The following SPEG variants were observed in gnomAD, a reference collection of about 807,000 sequenced individuals.
The protein encoded by SPEG is striated muscle enriched protein kinase, also known as striated muscle preferentially expressed protein kinase.
SPEG carries 114 observed loss-of-function variants against 300.4 expected under a neutral mutation model. The observed-to-expected ratio is 0.38, with a 90% CI of 0.33 to 0.44. The LOEUF (loss-of-function observed/expected upper bound fraction) is 0.44, where lower values mean the gene tolerates loss of function less well. Among genes scored for constraint, SPEG ranks in the 20% least tolerant of loss-of-function variants. SPEG has a pLI of 1.00. For synonymous variants in SPEG, 1,964 were observed against 2,018.9 expected (o/e 0.97, Z 0.73); for missense variants, 4,201 against 4,586.2 (o/e 0.92, Z 2.43).
At position 219,481,297 on chromosome 2, in the gene SPEG, C is replaced by T. The variant is rs2125539319; in HGVS notation, c.5370-7C>T. On this transcript the variant is annotated splice_region_variant and splice_polypyrimidine_tract_variant and intron_variant, in intron 26 of 40. Coordinates refer to ENST00000312358, the MANE Select transcript of SPEG (RefSeq NM_005876.5). The surrounding 1 kb of genome is among the most constrained non-coding windows in gnomAD (Gnocchi z 5.4). ...GCCCCTCATGACAGCCCTCTTCACC[C>T]CTGCAGTCTGACAGGAATCTCCCCG... The T allele has an allele frequency of 1.2e-6, 2 of 1,613,704 alleles. No individual in the cohort carries two copies. Among genetic ancestry groups the T allele is most frequent in the East Asian group, 4.5e-5 (2 of 44,890 alleles).
At position 219,483,141 on chromosome 2, in the gene SPEG, T is replaced by C; in HGVS notation, c.5678T>C (p.Ile1893Thr). The stretch of plus-strand genomic sequence containing the variant: ...AAATGCCACCTGGTGCTGCGCCCCA[T>C]CCCCGAGCTGCTGCGGGCCCCCCCA... Reference protein sequence around the residue: ...SYKCHLVLRPIPELLRAPPER... With the variant: ...SYKCHLVLRPTPELLRAPPER... The change falls in exon 30 of 41, where the codon ATC (isoleucine) becomes ACC (threonine). Residue 1893 changes from isoleucine to threonine, a missense_variant. This residue lies in a region of SPEG where 1,578 missense variants were observed against 1,506.0 expected (regional missense o/e 1.05). Transcript: ENST00000312358. 6.2e-7 allele frequency: 1 copy of C among 1,608,842 alleles called. No individual in the cohort carries two copies. Among genetic ancestry groups the C allele is most frequent in the Non-Finnish European group, 8.5e-7 (1 of 1,179,472 alleles).
chr2:219,461,341 AG>A, intron 6 of SPEG: 6 of 987,408 alleles, frequency 6.1e-6, no homozygotes, highest in Non-Finnish European at 7.2e-6. Flanking sequence ...GAGAAGGGAA[AG>A]GGGGAGGGGC....
At chr2:219,460,439 T>C in intron 6 of SPEG, 1 of 985,428 alleles carries the variant, frequency 1.0e-6, no homozygotes. Flanking sequence ...CCTTCTTTGG[T>C]GGACGTGTCA....
Position 219,489,634 on chromosome 2 carries a change from C to G in SPEG, c.8616C>G (p.Pro2872=). ...LPSTHVTPSE[P]KPFVLDTGTP... is the part of the protein sequence containing the mutation. ...GTACCCACGTCACCCCAAGTGAGCC[C>G]AAGCCTTTCGTCCTTGACACTGGGA... The change falls in exon 36 of 41, where the codon CCC becomes CCG. Residue 2872 remains proline (P), a synonymous_variant. Coordinates refer to ENST00000312358, the MANE Select transcript of SPEG (RefSeq NM_005876.5). 1.9e-6 allele frequency: 3 copies of G among 1,613,968 alleles called. No homozygotes were observed. The highest frequency in any genetic ancestry group is 2.5e-6 in the Non-Finnish European group (3 of 1,179,992).
At position 219,483,228 on chromosome 2, in the gene SPEG, C is replaced by G. The variant is rs1317448541; in HGVS notation, c.5765C>G (p.Ser1922Trp). 1 of 1,610,390 alleles carries G rather than the reference C, an allele frequency of 6.2e-7. No homozygotes were observed. Among genetic ancestry groups the G allele is most frequent in the Non-Finnish European group, 8.5e-7 (1 of 1,179,100 alleles). ...PPPSGGLSSSSDSEEEELEEL... is the reference protein window; with the variant it reads ...PPPSGGLSSSWDSEEEELEEL... ...CCCAGTGGGGGGCTCTCATCCTCCT[C>G]GGATTCTGAAGAGGAAGAGCTGGAA... is the stretch of plus-strand genomic sequence containing the variant. The change falls in exon 30 of 41, where the codon TCG (serine) becomes TGG (tryptophan). Residue 1922 changes from serine (S) to tryptophan (W), a missense_variant. Physicochemically the swap from Ser to Trp is radical, Grantham distance 177. Coordinates refer to ENST00000312358, the MANE Select transcript of SPEG (RefSeq NM_005876.5).
At chr2:219,491,453 T>C (rs1693964428) in intron 38 of SPEG, among the ~76,000 whole-genome samples, 1 of 152,160 alleles carries the variant, frequency 6.6e-6, no homozygotes, top group Non-Finnish European at 1.5e-5. Flanking sequence ...CAGGCTGATT[T>C]TGAAGGCTTT....
In SPEG at chr2:219,484,548, C is replaced by G. The variant is rs767195712; in HGVS notation, c.7085C>G (p.Pro2362Arg). Reference protein sequence around the residue: ...LSRSRSEERGPFRGAEEEDGI... With the variant: ...LSRSRSEERGRFRGAEEEDGI... ...CGTTCGCGCTCGGAGGAGCGCGGCC[C>G]CTTCCGTGGGGCCGAGGAGGAGGAT... The change falls in exon 30 of 41, where the codon CCC (proline) becomes CGC (arginine). Residue 2362 changes from proline to arginine, a missense_variant. Physicochemically the swap from Pro to Arg is moderately radical, Grantham distance 103. Transcript: ENST00000312358. 6.3e-7 allele frequency: 1 copy of G among 1,592,444 alleles called. No individual in the cohort carries two copies. Among genetic ancestry groups the G allele is most frequent in the East Asian group, 2.3e-5 (1 of 44,258 alleles).
In SPEG at chr2:219,483,444, C is replaced by T; in HGVS notation, c.5981C>T (p.Ser1994Phe). 11 of 1,537,738 alleles carry T rather than the reference C, an allele frequency of 7.2e-6. No individual in the cohort carries two copies. Among genetic ancestry groups the T allele is most frequent in the Non-Finnish European group, 9.6e-6 (11 of 1,150,640 alleles). The change falls in exon 30 of 41, where the codon TCC (serine) becomes TTC (phenylalanine). Residue 1994 changes from serine (S) to phenylalanine (F), a missense_variant. By Grantham distance (155) the Ser-to-Phe change is radical. Around this residue, in one of 4 missense-constraint regions of SPEG, gnomAD observed 1,578 missense variants for 1,506.0 expected, o/e 1.05. Transcript: ENST00000312358. Reference protein sequence around the residue: ...QEAPSPEALPSPGQEPAAGAS... With the variant: ...QEAPSPEALPFPGQEPAAGAS... ...GCTCCCAGCCCAGAGGCCCTCCCCT[C>T]CCCAGGCCAGGAGCCCGCAGCTGGG...
Position 219,484,924 on chromosome 2 carries a change from G to A in SPEG, c.7461G>A (p.Leu2487=). Residue 2487 remains leucine, a synonymous_variant, in exon 30 of 41, where the codon CTG becomes CTA. Transcript: ENST00000312358. ...GCGCGTCGGGCCGCAGCACGCCGCT[G>A]TTCGGACGGCTTCGCAGGGCCACGT... ...SGGASGRSTP[L]FGRLRRATSE... 6.5e-7 allele frequency: 1 copy of A among 1,528,856 alleles called. No individual in the cohort carries two copies. The highest frequency in any genetic ancestry group is 8.7e-7 in the Non-Finnish European group (1 of 1,144,504). 94.7% of individuals were successfully genotyped at this position (1,528,856 alleles called of 1,614,324 possible).
chr2:219,492,058 C>G (rs1694023950), intron 39 of SPEG, 53 bp from the exon 40 acceptor site: 1 of 1,567,600 alleles, frequency 6.4e-7, no homozygotes, highest in Non-Finnish European at 8.7e-7. Context: ...CCTTCTGGGT[C>G]TGGGTGTTGG....
rs754240904 is a variant in SPEG, at chr2:219,479,800, G to C, written c.5103G>C (p.Arg1701=). 1.7e-5 allele frequency: 27 copies of C among 1,613,900 alleles called. No individual in the cohort carries two copies. The South Asian group carries it at 3.0e-4, about 18-fold the overall frequency. Residue 1701 remains arginine, a synonymous_variant, in exon 24 of 41, where the codon CGG becomes CGC. Coordinates refer to ENST00000312358, the MANE Select transcript of SPEG (RefSeq NM_005876.5). The surrounding 1 kb of genome is among the most constrained non-coding windows in gnomAD (Gnocchi z 5.5). ...TTCCACAGATCCGGGCCTATATGCG[G>C]CAGGTGCTAGAGGGAATACACTACC... ...VCESEIRAYM[R]QVLEGIHYLH...
At position 219,444,877 on chromosome 2, in the gene SPEG, G is replaced by T; in HGVS notation, c.531G>T (p.Val177=). Residue 177 remains valine (V), a synonymous_variant, in exon 3 of 41, where the codon GTG becomes GTT. Coordinates refer to ENST00000312358, the MANE Select transcript of SPEG (RefSeq NM_005876.5). This position sits in a 1 kb window ranked among gnomAD's most constrained non-coding sequence, Gnocchi z 7.8. The part of the protein sequence containing the change: ...GTSLDTPPTS[V]TGTSEEQVSW... ...CCCTGGACACACCCCCGACCTCCGT[G>T]ACAGGCACCTCAGAGGAGCAAGTGA... is the stretch of plus-strand genomic sequence containing the variant. 1 of 1,569,352 alleles carries T rather than the reference G, an allele frequency of 6.4e-7. No individual in the cohort carries two copies. Among genetic ancestry groups the T allele is most frequent in the Non-Finnish European group, 8.6e-7 (1 of 1,157,194 alleles).
rs1044249887 is a variant in SPEG, at chr2:219,489,193, T to C, written c.8289T>C (p.Ser2763=). 1.1e-5 allele frequency: 18 copies of C among 1,613,940 alleles called. No individual in the cohort carries two copies. Among genetic ancestry groups the C allele is most frequent in the Non-Finnish European group, 1.4e-5 (17 of 1,179,940 alleles). ...GGCAGGGGCCCTTCAGCAACTCTTCTGAGAAGGTCTTTGTCAGGGGTACTC... is the reference window on the plus strand; with the variant it reads ...GGCAGGGGCCCTTCAGCAACTCTTCCGAGAAGGTCTTTGTCAGGGGTACTC... ...RAGQGPFSNS[S]EKVFVRGTQD... Residue 2763 remains serine, a synonymous_variant, in exon 35 of 41, where the codon TCT becomes TCC. Transcript: ENST00000312358.
chr2:219,489,573 T>C lies in SPEG; in HGVS notation c.8555T>C (p.Leu2852Pro), dbSNP rs1213980060. 4 of 1,612,958 alleles carry C rather than the reference T, an allele frequency of 2.5e-6. No homozygotes were observed. Among genetic ancestry groups the C allele is most frequent in the Admixed American group, 1.7e-5 (1 of 59,924 alleles). Residue 2852 changes from leucine (L) to proline (P), a missense_variant, in exon 36 of 41, where the codon CTG becomes CCG. Transcript: ENST00000312358. ...ACCCCTCCACGAAGACACAGGGGCC[T>C]GCAGGCTGCCCGGCCAGCGGAGCCC... ...PQTPPRRHRG[L>P]QAARPAEPTL...
At position 219,467,354 on chromosome 2, in the gene SPEG, G is replaced by T; in HGVS notation, c.3062G>T (p.Gly1021Val). Residue 1021 changes from glycine (G) to valine (V), a missense_variant, in exon 10 of 41, where the codon GGC becomes GTC. Physicochemically the swap from Gly to Val is moderately radical, Grantham distance 109 (BLOSUM62 -3). Coordinates refer to ENST00000312358, the MANE Select transcript of SPEG (RefSeq NM_005876.5). ...CTCAAATGCAAGATGCATTTCGATG[G>T]CCGCAAATGCAAGCTGCTACTTACA... ...ALLKCKMHFD[G>V]RKCKLLLTSV... 6.2e-7 allele frequency: 1 copy of T among 1,612,358 alleles called. No individual in the cohort carries two copies.
In SPEG at chr2:219,492,853, G is replaced by A; in HGVS notation, c.*67G>A. On this transcript the variant is annotated 3_prime_UTR_variant, in exon 41 of 41. Coordinates refer to ENST00000312358, the MANE Select transcript of SPEG (RefSeq NM_005876.5). ...CCCACCAATGCCACGGGACATTCCA[G>A]GGCCCACGCTGAGCCAGGCGGGCCT... is the stretch of plus-strand genomic sequence containing the variant. 1 of 1,483,478 alleles carries A rather than the reference G, an allele frequency of 6.7e-7. No homozygotes were observed. The highest frequency in any genetic ancestry group is 9.1e-7 in the Non-Finnish European group (1 of 1,100,218). 91.9% of individuals were successfully genotyped at this position (1,483,478 alleles called of 1,614,324 possible).
chr2:219,492,572 C>T (rs768600056), intron 40 of SPEG, 22 bp from the exon 41 acceptor site: 15 of 1,603,416 alleles, frequency 9.4e-6, no homozygotes, highest in Non-Finnish European at 1.3e-5. Flanking sequence ...CCAGGTTCAT[C>T]ATCCCTGGCT....
intron 13 of SPEG, among the ~76,000 whole-genome samples, 173 bp downstream of exon 13, chr2:219,469,552 G>A: frequency 6.6e-6 from 1 of 152,152 alleles, no homozygotes; most frequent in African/African-American, 2.4e-5. Context: ...TCCCCTGCAA[G>A]CCCACACAGC....
chr2:219,469,316 A>G lies in SPEG; in HGVS notation c.3652A>G (p.Thr1218Ala). The stretch of plus-strand genomic sequence containing the variant: ...CCAGGTGACCGGCCTGCCCTACCCC[A>G]CCATCAGCTGGTTCCACAATGGCCA... ...ECQVTGLPYP[T>A]ISWFHNGHRI... is the part of the protein sequence containing the mutation. Residue 1218 changes from threonine (T) to alanine (A), a missense_variant, in exon 13 of 41, where the codon ACC (threonine) becomes GCC (alanine). By Grantham distance (58) the Thr-to-Ala change is moderately conservative. Coordinates refer to ENST00000312358, the MANE Select transcript of SPEG (RefSeq NM_005876.5). 6.2e-7 allele frequency: 1 copy of G among 1,613,788 alleles called. No individual in the cohort carries two copies. Among genetic ancestry groups the G allele is most frequent in the Non-Finnish European group, 8.5e-7 (1 of 1,179,942 alleles).
Sources: gnomAD v4.1 joint callset for allele counts (sites outside exome capture counted in the v4.1 genomes callset) on GRCh38, gnomAD v4.1.1 for gene constraint, gnomAD v4.1.1 regional missense constraint, Gnocchi (gnomAD v3.1) non-coding constraint, MANE v1.5 for transcripts, NCBI Gene and HGNC (gene_info 2026-07-23, HGNC 2026-07-21) for gene names.